Variants in SEM1 observed in about 807,000 individuals in gnomAD.
The protein encoded by SEM1 is SEM1 26S proteasome subunit, also known as 26S proteasome complex subunit SEM1.
A neutral mutation model predicts 12.7 loss-of-function variants in SEM1; 3 were observed. The observed-to-expected ratio is 0.24, with a 90% confidence interval of 0.11 to 0.61. SEM1 has a LOEUF of 0.61. Ranked by LOEUF, SEM1 falls within the 20% of genes least tolerant of loss-of-function variation. The pLI is 0.88. For synonymous variants in SEM1, 30 were observed against 27.8 expected (o/e 1.08, Z -0.25); for missense variants, 59 against 81.3 (o/e 0.73, Z 1.06).
At chr7:96,561,922 G>GTAT (rs965131958) in intron 2 of SEM1, among the ~76,000 whole-genome samples, 1 of 151,988 alleles carries the variant, frequency 6.6e-6, no homozygotes, top group African/African-American at 2.4e-5. Context: ...AGTATTTGTG[G>GTAT]TATTATTATT....
chr7:96,568,314 CAACTT>C (rs901311025), intron 2 of SEM1, among the ~76,000 whole-genome samples: 1 of 151,736 alleles, frequency 6.6e-6, no homozygotes, highest in Non-Finnish European at 1.5e-5. Flanking sequence ...CTAAGGTTCT[CAACTT>C]AATTTCTCAT....
intron 2 of SEM1, among the ~76,000 whole-genome samples, chr7:96,554,329 G>T: frequency 1.0e-5 from 1 of 99,082 alleles, no homozygotes; most frequent in African/African-American, 3.3e-5. Flanking sequence ...ATTGGCTGTG[G>T]GTTTGTCATA....
chr7:96,508,983 A>G (rs899133155), intron 2 of SEM1, among the ~76,000 whole-genome samples: 2 of 138,028 alleles, frequency 1.4e-5, no homozygotes, highest in Admixed American at 7.8e-5. Flanking sequence ...TTTTACTACA[A>G]GAAACACAAC....
At position 96,588,253 on chromosome 7, in the gene SEM1, G is replaced by A. The variant is rs1806708043; in HGVS notation, c.171-81555C>T. On this transcript the variant is annotated intron_variant and NMD_transcript_variant, in intron 2 of 3. Coordinates refer to the SEM1 transcript ENST00000466986. The stretch of plus-strand genomic sequence containing the variant: ...TGCCTGTAGTCTCAGCTACTTGGGA[G>A]GCTATAGTAGCTGAGCCCAGGAAGT... Among the ~76,000 whole-genome samples the A allele has an allele frequency of 2.6e-5, 4 of 151,802 alleles. No individual in the cohort carries two copies. The South Asian group carries it at 8.3e-4, about 32-fold the overall frequency.
downstream of SEM1, among the ~76,000 whole-genome samples, chr7:96,669,232 A>G (rs1252238144): frequency 6.6e-6 from 1 of 152,134 alleles, no homozygotes; most frequent in Non-Finnish European, 1.5e-5. Flanking sequence ...ATCCAGAAAT[A>G]TATTTTTATT....
intron 2 of SEM1, among the ~76,000 whole-genome samples, chr7:96,512,479 G>A (rs1417123602): frequency 6.6e-6 from 1 of 152,090 alleles, no homozygotes; most frequent in East Asian, 1.9e-4. Context: ...GGATCAATTA[G>A]TCAATATAAT....
At chr7:96,671,047 C>T (rs117286157), downstream of SEM1, among the ~76,000 whole-genome samples, 1 of 152,274 alleles carries the variant, frequency 6.6e-6, no homozygotes, top group East Asian at 1.9e-4. Context: ...AAGCTGCATG[C>T]ACGACATTTT....
At chr7:96,697,206 A>G (rs1790124471) in intron 1 of SEM1, 1 of 151,660 alleles carries the variant, frequency 6.6e-6, no homozygotes, top group Non-Finnish European at 1.5e-5. Flanking sequence ...TTAAAAAGTC[A>G]GAATTGGAAA....
chr7:96,521,200 A>G (rs1464415654), intron 2 of SEM1, among the ~76,000 whole-genome samples: 1 of 152,096 alleles, frequency 6.6e-6, no homozygotes, highest in Non-Finnish European at 1.5e-5. Flanking sequence ...CCTCAGTCAG[A>G]CCACTCAGAA....
chr7:96,505,172 A>G (rs1014890338), intron 3 of SEM1, among the ~76,000 whole-genome samples: 1 of 151,892 alleles, frequency 6.6e-6, no homozygotes, highest in African/African-American at 2.4e-5. Flanking sequence ...GTGCCATCTC[A>G]GCTCACTGCA....
chr7:96,639,992 A>T (rs563486997), intron 2 of SEM1, among the ~76,000 whole-genome samples: 47 of 152,108 alleles, frequency 3.1e-4, no homozygotes, highest in South Asian at 1.9e-3. Context: ...CGTCAAATAA[A>T]TGCAAATTAA....
At chr7:96,506,237 C>T (rs552676778) in intron 3 of SEM1, among the ~76,000 whole-genome samples, 3 of 152,030 alleles carry the variant, frequency 2.0e-5, no homozygotes, top group African/African-American at 7.2e-5. Context: ...TCTCCGAAGA[C>T]CTCTGGTTCT....
intron 2 of SEM1, among the ~76,000 whole-genome samples, chr7:96,592,217 C>T (rs990914375): frequency 1.3e-5 from 2 of 151,512 alleles, no homozygotes; most frequent in East Asian, 3.9e-4. Flanking sequence ...TAGGTAAGCC[C>T]GGGAAGAGGA....
chr7:96,494,303 C>T (rs1205858110), intron 1 of SEM1, among the ~76,000 whole-genome samples: 4 of 152,108 alleles, frequency 2.6e-5, no homozygotes, highest in South Asian at 2.1e-4. Context: ...AATAAGTGTT[C>T]CTGCTCTTCT....
intron 2 of SEM1, among the ~76,000 whole-genome samples, chr7:96,551,422 G>A (rs756321439): frequency 6.6e-6 from 1 of 152,104 alleles, no homozygotes; most frequent in East Asian, 1.9e-4. Context: ...CACAGAGGCC[G>A]GGTGCAGTGG....
At chr7:96,650,667 A>AAC in intron 2 of SEM1, 1 of 618,888 alleles carries the variant, frequency 1.6e-6, no homozygotes, top group Non-Finnish European at 2.9e-6. Flanking sequence ...AACACACAGA[A>AAC]ACACACACAG....
At chr7:96,592,277 T>G (rs1806853288) in intron 2 of SEM1, among the ~76,000 whole-genome samples, 1 of 151,898 alleles carries the variant, frequency 6.6e-6, no homozygotes, top group Non-Finnish European at 1.5e-5. Flanking sequence ...AGCCTCGGGC[T>G]TCGATAATTG....
At chr7:96,621,195 G>T (rs1054109925), downstream of SEM1, among the ~76,000 whole-genome samples, 1 of 152,128 alleles carries the variant, frequency 6.6e-6, no homozygotes, top group African/African-American at 2.4e-5. Flanking sequence ...TTGAAATTTT[G>T]CTTTCTTTTT....
At chr7:96,658,301 A>C (rs1019772923) in intron 2 of SEM1, among the ~76,000 whole-genome samples, 3 of 152,078 alleles carry the variant, frequency 2.0e-5, no homozygotes, top group African/African-American at 7.2e-5. Context: ...TTAAAACTAA[A>C]TCTCAATGCT....
Sources: gnomAD v4.1 joint callset for allele counts (sites outside exome capture counted in the v4.1 genomes callset) on GRCh38, gnomAD v4.1.1 for gene constraint, MANE v1.5 for transcripts, NCBI Gene and HGNC (gene_info 2026-07-23, HGNC 2026-07-21) for gene names.